Variants in OSBP observed in about 807,000 individuals in gnomAD.
The protein encoded by OSBP is oxysterol-binding protein 1.
OSBP carries 32 observed loss-of-function variants against 96.6 expected under a neutral mutation model. The observed-to-expected ratio is 0.33, with a 90% confidence interval of 0.25 to 0.45. The LOEUF (loss-of-function observed/expected upper bound fraction) is 0.45, where lower values mean the gene tolerates loss of function less well. Among genes scored for constraint, OSBP ranks in the 20% least tolerant of loss-of-function variants. The pLI, the probability that OSBP is intolerant of heterozygous loss-of-function variation, is 1.00. For synonymous variants in OSBP, 369 were observed against 389.6 expected, an observed-to-expected ratio of 0.95 and a Z score of 0.62; for missense variants, 653 against 1,029.7, an observed-to-expected ratio of 0.63 and a Z score of 5.01.
intron 1 of OSBP, among the ~76,000 whole-genome samples, chr11:59,612,482 G>A (rs1002995850): frequency 6.6e-6 from 1 of 152,038 alleles, no homozygotes; most frequent in Non-Finnish European, 1.5e-5. Context: ...TCTTCTGCCT[G>A]GGTCATCATT....
rs77739092 is a variant in OSBP at position 59,599,668 on chromosome 11, C to T, written c.1311+828G>A. Among the ~76,000 whole-genome samples, 506 of 152,220 alleles carry T rather than the reference C, an allele frequency of 3.3e-3. 5 individuals are homozygous for T. The highest frequency in any genetic ancestry group is 0.011 in the African/African-American group (453 of 41,516). On this transcript the variant is annotated intron_variant, in intron 7 of 13. Transcript: ENST00000263847. ...CTGGAGGTTTGCTGAAAAAGACACACTATAGCTGCATCCTCAAGAAATGGG... is the reference window on the plus strand; with the variant it reads ...CTGGAGGTTTGCTGAAAAAGACACATTATAGCTGCATCCTCAAGAAATGGG...
intron 1 of OSBP, among the ~76,000 whole-genome samples, chr11:59,614,692 T>A (rs1402722991): frequency 6.6e-6 from 1 of 152,182 alleles, no homozygotes; most frequent in Non-Finnish European, 1.5e-5. Flanking sequence ...GGGGTGCACA[T>A]CTCCATTCTG....
intron 8 of OSBP, 104 bp from the exon 9 acceptor site, chr11:59,593,828 C>A: frequency 6.6e-7 from 1 of 1,504,764 alleles, no homozygotes; most frequent in South Asian, 1.2e-5. Context: ...CGTTTTTACA[C>A]CCACAACAGT....
intron 9 of OSBP, among the ~76,000 whole-genome samples, 182 bp from the exon 10 acceptor site, chr11:59,581,736 C>T (rs1860423874): frequency 6.6e-6 from 1 of 152,220 alleles, no homozygotes; most frequent in Admixed American, 6.5e-5. Flanking sequence ...ATTTTTCTCA[C>T]TTGACTTTCA....
intron 1 of OSBP, among the ~76,000 whole-genome samples, chr11:59,613,384 A>C (rs1234124941): frequency 1.3e-5 from 2 of 152,362 alleles, no homozygotes; most frequent in East Asian, 1.9e-4. Context: ...GCAACATGTA[A>C]GTTATTAGTG....
In OSBP at chr11:59,601,639, C is replaced by A; in HGVS notation, c.1021+1G>T. ...GGCTACCTGAGAGCTAAGTGTCTTA[C>A]CTTTACCAGAACCCACATTGCCAGG... On this transcript the variant is annotated splice_donor_variant, in intron 4 of 13. Transcript: ENST00000263847. LOFTEE classifies it high-confidence loss of function. The A allele has an allele frequency of 1.9e-6, 3 of 1,612,436 alleles. No homozygotes were observed. The highest frequency in any genetic ancestry group is 2.5e-6 in the Non-Finnish European group (3 of 1,179,906).
rs1429077782 is a variant in OSBP at position 59,595,235 on chromosome 11, T to G, written c.1312-980A>C. On this transcript the variant is annotated intron_variant, in intron 7 of 13. Coordinates refer to ENST00000263847, the MANE Select transcript of OSBP (RefSeq NM_002556.3). ...TATAAAACAAGTCAGGTTCCCAAGT[T>G]AGTCCATAAAGCTTATTTAATTAAC... 7 of 152,678 alleles carry G rather than the reference T, an allele frequency of 4.6e-5. No individual in the cohort carries two copies. In the East Asian group the frequency reaches 1.4e-3, roughly 30 times the overall value. The allele number at this position is 152,678 out of a possible 1,614,324, so 9.5% of individuals were successfully genotyped here.
intron 9 of OSBP, among the ~76,000 whole-genome samples, chr11:59,589,989 A>T (rs1860557712): frequency 6.6e-6 from 1 of 152,212 alleles, no homozygotes; most frequent in Non-Finnish European, 1.5e-5. Flanking sequence ...TCTCAAAAAA[A>T]AAAAAGAAAT....
intron 9 of OSBP, among the ~76,000 whole-genome samples, chr11:59,590,448 T>C (rs1187295354): frequency 1.3e-5 from 2 of 152,198 alleles, no homozygotes; most frequent in Admixed American, 6.5e-5. Context: ...AAGTTGACCC[T>C]GACAACCCAA....
At position 59,601,779 on chromosome 11, in the gene OSBP, T is replaced by C. The variant is rs1237158754; in HGVS notation, c.882A>G (p.Leu294=). ...GGATACGCTGGTCTCTTTCATACTG[T>C]AGTGACTTTTGCCATTTTTTACTAT... is the stretch of plus-strand genomic sequence containing the variant. ...QTHSKKWQKS[L]QYERDQRIRL... Residue 294 remains leucine, a synonymous_variant, in exon 4 of 14, where the codon CTA becomes CTG. Coordinates refer to ENST00000263847, the MANE Select transcript of OSBP (RefSeq NM_002556.3). The C allele has an allele frequency of 1.9e-6, 3 of 1,614,050 alleles. No individual in the cohort carries two copies. The highest frequency in any genetic ancestry group is 2.5e-6 in the Non-Finnish European group (3 of 1,180,016).
In OSBP at chr11:59,600,870, A is replaced by G; in HGVS notation, c.1128T>C (p.Arg376=). The change falls in exon 6 of 14, where the codon CGT becomes CGC. Residue 376 remains arginine (R), a synonymous_variant. Coordinates refer to ENST00000263847, the MANE Select transcript of OSBP (RefSeq NM_002556.3). ...ITMPENLGHK[R]TGSNISGASS... is the part of the protein sequence containing the mutation. ...TGGCTCCACTGATATTGCTGCCAGT[A>G]CGTCTGTACAGATGGGAAACACAGG... The G allele has an allele frequency of 6.2e-7, 1 of 1,613,380 alleles. No individual in the cohort carries two copies. Among genetic ancestry groups the G allele is most frequent in the Non-Finnish European group, 8.5e-7 (1 of 1,179,364 alleles).
intron 7 of OSBP, among the ~76,000 whole-genome samples, chr11:59,599,906 T>C (rs1363720603): frequency 6.6e-6 from 1 of 152,096 alleles, no homozygotes; most frequent in East Asian, 1.9e-4. Flanking sequence ...ATGAAAGCAA[T>C]GAAGATCCAG....
In OSBP at chr11:59,608,703, T is replaced by C. The variant is rs764041535; in HGVS notation, c.603A>G (p.Gln201=). Residue 201 remains glutamine (Q), a synonymous_variant, in exon 3 of 14, where the codon CAA becomes CAG. Coordinates refer to ENST00000263847, the MANE Select transcript of OSBP (RefSeq NM_002556.3). ...DESGDEESVS[Q]TDKTELQNTL... ...TATTCTGCAGCTCAGTCTTGTCAGT[T>C]TGTGAGACAGACTCTTCATCTCCTG... The C allele has an allele frequency of 6.2e-7, 1 of 1,614,048 alleles. No homozygotes were observed. Among genetic ancestry groups the C allele is most frequent in the Non-Finnish European group, 8.5e-7 (1 of 1,179,880 alleles).
At chr11:59,615,202 G>T in intron 1 of OSBP, 101 bp downstream of exon 1, 2 of 992,358 alleles carry the variant, frequency 2.0e-6, no homozygotes, top group Non-Finnish European at 3.0e-6. Context: ...GGGGCCTGGG[G>T]CAACCCTGGC....
At chr11:59,602,366 G>A (rs1860734390) in intron 3 of OSBP, among the ~76,000 whole-genome samples, 1 of 152,148 alleles carries the variant, frequency 6.6e-6, no homozygotes, top group Admixed American at 6.5e-5. Context: ...TTAAAAATTA[G>A]GAGCCTTCAG....
intron 9 of OSBP, among the ~76,000 whole-genome samples, chr11:59,584,505 C>T (rs562933177): frequency 6.6e-6 from 1 of 152,076 alleles, no homozygotes; most frequent in Non-Finnish European, 1.5e-5. Context: ...CTGGTAAATG[C>T]AATACACCAC....
chr11:59,593,871 G>A (rs1264438475), intron 8 of OSBP, 139 bp downstream of exon 8: 20 of 1,411,092 alleles, frequency 1.4e-5, no homozygotes, highest in African/African-American at 4.3e-5. Flanking sequence ...GGTCTCCAAC[G>A]CTGACGTTCT....
Position 59,596,796 on chromosome 11 carries a change from G to A in OSBP, c.1312-2541C>T, listed in dbSNP as rs187116503. ...AGGTGCGCCAGAGCACCACTCAAGA[G>A]GGCATAGAGGGAGAGACTTCCCACG... On this transcript the variant is annotated intron_variant, in intron 7 of 13. Coordinates refer to ENST00000263847, the MANE Select transcript of OSBP (RefSeq NM_002556.3). 2.1e-3 allele frequency among the ~76,000 whole-genome samples: 315 copies of A among 152,290 alleles called. 2 individuals carry two copies. Among genetic ancestry groups the A allele is most frequent in the Non-Finnish European group, 3.2e-3 (221 of 68,018 alleles).
intron 1 of OSBP, among the ~76,000 whole-genome samples, chr11:59,612,208 A>C (rs1220324678): frequency 1.3e-5 from 2 of 152,244 alleles, no homozygotes; most frequent in African/African-American, 4.8e-5. Flanking sequence ...TCCTTCCTCA[A>C]ATAGTATGGG....
Sources: allele counts gnomAD v4.1 joint callset (sites outside exome capture counted in the v4.1 genomes callset), GRCh38; gene constraint gnomAD v4.1.1; transcripts MANE v1.5; gene names NCBI Gene and HGNC (gene_info 2026-07-23, HGNC 2026-07-21).